The following SMOC1 variants were observed in gnomAD, a reference collection of about 807,000 sequenced individuals.
SMOC1 encodes the protein SPARC-related modular calcium-binding protein 1.
In SMOC1, 22 loss-of-function variants were observed where a neutral mutation model predicts 56.3. The ratio of observed to expected loss-of-function variants is 0.39; its 90% CI spans 0.28 to 0.56. The LOEUF (loss-of-function observed/expected upper bound fraction) is 0.56, where lower values mean the gene tolerates loss of function less well. Ranked by LOEUF, SMOC1 falls within the 20% of genes least tolerant of loss-of-function variation. SMOC1 has a pLI of 0.61. For missense variants in SMOC1, 509 were observed against 565.4 expected (o/e 0.90, Z 1.01); for synonymous variants, 193 against 215.0 (o/e 0.90, Z 0.89).
chr14:70,005,717 A>C (rs1885127774), intron 7 of SMOC1, among the ~76,000 whole-genome samples: 1 of 151,744 alleles, frequency 6.6e-6, no homozygotes, highest in African/African-American at 2.4e-5. Flanking sequence ...GAATGACCTG[A>C]CTCTCACTTC....
chr14:69,891,047 A>C (rs1005684741), intron 1 of SMOC1, among the ~76,000 whole-genome samples: 1 of 152,268 alleles, frequency 6.6e-6, no homozygotes, highest in African/African-American at 2.4e-5. Context: ...GAAAATGACT[A>C]ATCTAAAGCT....
intron 1 of SMOC1, among the ~76,000 whole-genome samples, chr14:69,929,854 G>T (rs1051026068): frequency 1.9e-4 from 29 of 152,134 alleles, no homozygotes; most frequent in African/African-American, 6.8e-4. Flanking sequence ...CAGCCCCAGA[G>T]GCGTTAGGCT....
chr14:69,895,734 C>T (rs970279271), intron 1 of SMOC1, among the ~76,000 whole-genome samples: 2 of 152,090 alleles, frequency 1.3e-5, no homozygotes, highest in African/African-American at 4.8e-5. Flanking sequence ...GTAACTTTTC[C>T]TGGTGGTATG....
chr14:69,990,482 G>A (rs1317378580), intron 5 of SMOC1, among the ~76,000 whole-genome samples: 1 of 152,212 alleles, frequency 6.6e-6, no homozygotes, highest in East Asian at 1.9e-4. Context: ...GAAGGGCTGA[G>A]CACACTGTGC....
chr14:69,972,683 T>C (rs1259013186), intron 3 of SMOC1, among the ~76,000 whole-genome samples: 1 of 152,114 alleles, frequency 6.6e-6, no homozygotes, highest in Non-Finnish European at 1.5e-5. Context: ...TGGGATACAA[T>C]GGGCACACTC....
At chr14:69,940,851 C>T (rs140206864) in intron 1 of SMOC1, among the ~76,000 whole-genome samples, 67 of 152,140 alleles carry the variant, frequency 4.4e-4, no homozygotes, top group African/African-American at 1.5e-3. Flanking sequence ...AGTTTTTGTG[C>T]TGGTGGCAGA....
chr14:69,988,985 G>A (rs897857894), intron 5 of SMOC1, among the ~76,000 whole-genome samples: 5 of 152,178 alleles, frequency 3.3e-5, no homozygotes, highest in African/African-American at 1.2e-4. Context: ...AAGCTTTAAT[G>A]AATAATGCTG....
intron 1 of SMOC1, among the ~76,000 whole-genome samples, chr14:69,919,920 C>A (rs571804842): frequency 6.0e-5 from 9 of 149,636 alleles, no homozygotes; most frequent in Non-Finnish European, 1.0e-4. Context: ...ACCCCCCCCC[C>A]CCTTTCTCCC....
rs531411149 is a variant in SMOC1, at chr14:70,032,259, C to A, written c.*2001C>A. 1 of 152,412 alleles carries A rather than the reference C, an allele frequency of 6.6e-6. No individual in the cohort carries two copies. Among genetic ancestry groups the A allele is most frequent in the Admixed American group, 6.5e-5 (1 of 15,302 alleles). 9.4% of individuals were successfully genotyped at this position (152,412 alleles called of 1,614,324 possible). On this transcript the variant is annotated 3_prime_UTR_variant, in exon 12 of 12. Coordinates refer to ENST00000361956, the MANE Select transcript of SMOC1 (RefSeq NM_001034852.3). ...CGAGATCTCCCCAGGCATCTTGTCTCCCACAGGATCGTGTGTGTAGGTGGT... is the reference window on the plus strand; with the variant it reads ...CGAGATCTCCCCAGGCATCTTGTCTACCACAGGATCGTGTGTGTAGGTGGT...
intron 11 of SMOC1, among the ~76,000 whole-genome samples, chr14:70,027,401 G>A (rs1481438016): frequency 6.6e-6 from 1 of 152,106 alleles, no homozygotes; most frequent in Non-Finnish European, 1.5e-5. Flanking sequence ...CTGGGGAAGA[G>A]GGGGAGCAGA....
intron 1 of SMOC1, among the ~76,000 whole-genome samples, chr14:69,943,857 C>T (rs543592835): frequency 1.4e-4 from 21 of 152,346 alleles, no homozygotes; most frequent in African/African-American, 3.8e-4. Context: ...CTACTATAGA[C>T]CCAAACCACT....
intron 5 of SMOC1, 107 bp downstream of exon 5, chr14:69,978,072 C>T (rs916265948): frequency 3.0e-5 from 26 of 878,864 alleles, no homozygotes; most frequent in African/African-American, 4.9e-5. Flanking sequence ...TAAGGTGTCC[C>T]GCAGAACATC....
chr14:69,951,304 C>A (rs1295242853), intron 1 of SMOC1, among the ~76,000 whole-genome samples: 1 of 152,126 alleles, frequency 6.6e-6, no homozygotes, highest in Non-Finnish European at 1.5e-5. Flanking sequence ...GAGGCCAGTC[C>A]AGATTCAAGG....
At chr14:69,994,894 G>T (rs1050046009) in intron 7 of SMOC1, among the ~76,000 whole-genome samples, 20 of 152,188 alleles carry the variant, frequency 1.3e-4, no homozygotes, top group Admixed American at 1.3e-3. Flanking sequence ...TTGGTAGGGG[G>T]TCTTGTGAGT....
chr14:69,902,377 T>C (rs929608713), intron 1 of SMOC1, among the ~76,000 whole-genome samples: 2 of 152,208 alleles, frequency 1.3e-5, no homozygotes, highest in Non-Finnish European at 2.9e-5. Context: ...CTACGGTAGA[T>C]TAAATATAGC....
At chr14:69,934,915 T>C (rs1270805056) in intron 1 of SMOC1, among the ~76,000 whole-genome samples, 2 of 152,232 alleles carry the variant, frequency 1.3e-5, no homozygotes, top group Non-Finnish European at 2.9e-5. Context: ...TGCAGAAGAT[T>C]ACCTCTTGGG....
intron 1 of SMOC1, among the ~76,000 whole-genome samples, chr14:69,917,448 GA>G (rs1198720263): frequency 1.3e-5 from 2 of 152,246 alleles, no homozygotes; most frequent in South Asian, 4.1e-4. Flanking sequence ...TGCATTAAAA[GA>G]AAACAAAACA....
chr14:69,885,984 G>A (rs1162789371), intron 1 of SMOC1: 59 of 1,585,738 alleles, frequency 3.7e-5, no homozygotes, highest in East Asian at 2.5e-4. Context: ...TTCACAAAGC[G>A]GGTGAGGTCT....
intron 3 of SMOC1, among the ~76,000 whole-genome samples, chr14:69,959,651 A>G (rs1387687433): frequency 3.3e-5 from 5 of 150,366 alleles, no homozygotes; most frequent in Admixed American, 3.3e-4. Flanking sequence ...TGATTTTTTT[A>G]TTTCCTGAGG....
Sources: gnomAD v4.1 joint callset for allele counts (sites outside exome capture counted in the v4.1 genomes callset) on GRCh38, gnomAD v4.1.1 for gene constraint, MANE v1.5 for transcripts, NCBI Gene and HGNC (gene_info 2026-07-23, HGNC 2026-07-21) for gene names.